IMMP2L: variants seen among roughly 807,000 people sequenced by gnomAD.
IMMP2L encodes the protein mitochondrial inner membrane protease subunit 2.
A neutral mutation model predicts 19.3 loss-of-function variants in IMMP2L; 18 were observed. The ratio of observed to expected loss-of-function variants is 0.93; its 90% CI spans 0.64 to 1.38. IMMP2L has a LOEUF of 1.38. Among genes scored for constraint, IMMP2L ranks in the 40% most tolerant of loss-of-function variants. IMMP2L has a pLI of 0.00. For missense variants in IMMP2L, 233 were observed against 218.2 expected (o/e 1.07, Z -0.43); for synonymous variants, 76 against 73.0 (o/e 1.04, Z -0.21).
At chr7:110,806,899 G>T (rs1250475274) in intron 5 of IMMP2L, among the ~76,000 whole-genome samples, 1 of 151,894 alleles carries the variant, frequency 6.6e-6, no homozygotes. Flanking sequence ...ATTTCCTTAG[G>T]ATGAAATAGC....
At chr7:110,699,318 A>G (rs1203068607) in intron 5 of IMMP2L, among the ~76,000 whole-genome samples, 1 of 152,200 alleles carries the variant, frequency 6.6e-6, no homozygotes, top group African/African-American at 2.4e-5. Context: ...AAGTCATATT[A>G]GGACAAAGAG....
At chr7:111,407,871 TA>T (rs1320199336) in intron 3 of IMMP2L, among the ~76,000 whole-genome samples, 1 of 152,008 alleles carries the variant, frequency 6.6e-6, no homozygotes, top group Non-Finnish European at 1.5e-5. Context: ...AATTGACTAA[TA>T]ATAATGGTGA....
At chr7:110,755,492 T>C (rs1797984620) in intron 5 of IMMP2L, among the ~76,000 whole-genome samples, 1 of 152,124 alleles carries the variant, frequency 6.6e-6, no homozygotes, top group Non-Finnish European at 1.5e-5. Flanking sequence ...GCATATTGTG[T>C]GATAGCCACA....
At chr7:111,336,772 A>T (rs913635713) in intron 3 of IMMP2L, among the ~76,000 whole-genome samples, 2 of 151,784 alleles carry the variant, frequency 1.3e-5, no homozygotes, top group Non-Finnish European at 2.9e-5. Context: ...CTGCTAAATT[A>T]ATTTTACCCA....
chr7:110,685,524 C>A (rs1793051748), intron 5 of IMMP2L, among the ~76,000 whole-genome samples: 1 of 152,174 alleles, frequency 6.6e-6, no homozygotes, highest in Non-Finnish European at 1.5e-5. Context: ...ATATCATATC[C>A]CATTATTAAC....
At chr7:111,281,156 C>CAGAAAGAAAGAA (rs1157660179) in intron 3 of IMMP2L, among the ~76,000 whole-genome samples, 2 of 67,812 alleles carry the variant, frequency 2.9e-5, no homozygotes, top group Admixed American at 3.7e-4. Flanking sequence ...GACAGAAAGA[C>CAGAAAGAAAGAA]AGAAAGAAAG....
At chr7:111,104,649 A>G (rs566408830) in intron 3 of IMMP2L, among the ~76,000 whole-genome samples, 1 of 151,948 alleles carries the variant, frequency 6.6e-6, no homozygotes, top group East Asian at 1.9e-4. Flanking sequence ...GCAAATGCTA[A>G]AGAAAAATTT....
At chr7:111,045,431 G>T (rs1043620415) in intron 3 of IMMP2L, among the ~76,000 whole-genome samples, 11 of 152,244 alleles carry the variant, frequency 7.2e-5, no homozygotes, top group Middle Eastern at 6.8e-3. Flanking sequence ...ATAGTAACCA[G>T]TAAGATCATT....
chr7:110,899,842 C>T (rs1490806377), intron 4 of IMMP2L, among the ~76,000 whole-genome samples: 1 of 152,134 alleles, frequency 6.6e-6, no homozygotes, highest in African/African-American at 2.4e-5. Flanking sequence ...CTATTTTGTG[C>T]CTTGTAGAAC....
At chr7:110,776,224 G>C (rs1799378211) in intron 5 of IMMP2L, among the ~76,000 whole-genome samples, 1 of 152,062 alleles carries the variant, frequency 6.6e-6, no homozygotes, top group South Asian at 2.1e-4. Context: ...ACACTACAGA[G>C]ATGGTTGTGT....
chr7:110,726,538 T>C (rs1254690749), intron 5 of IMMP2L, among the ~76,000 whole-genome samples: 1 of 152,196 alleles, frequency 6.6e-6, no homozygotes, highest in African/African-American at 2.4e-5. Flanking sequence ...AATTCTAAAA[T>C]GCTATACCTA....
At chr7:111,049,170 G>A (rs1349897038) in intron 3 of IMMP2L, among the ~76,000 whole-genome samples, 1 of 121,114 alleles carries the variant, frequency 8.3e-6, no homozygotes, top group African/African-American at 3.2e-5. Flanking sequence ...TCGCTCTGTC[G>A]CCCAGGCTGG....
chr7:111,342,106 T>C (rs886181872), intron 3 of IMMP2L, among the ~76,000 whole-genome samples: 6 of 152,120 alleles, frequency 3.9e-5, no homozygotes, highest in Non-Finnish European at 8.8e-5. Context: ...GTAACCAAAA[T>C]ATTTTAAAAG....
At chr7:110,686,093 A>G (rs910249152) in intron 5 of IMMP2L, among the ~76,000 whole-genome samples, 2 of 152,038 alleles carry the variant, frequency 1.3e-5, no homozygotes, top group Non-Finnish European at 2.9e-5. Context: ...TGTTTTCACT[A>G]TGTGACAGAA....
At chr7:110,937,776 A>G (rs1736837469) in intron 4 of IMMP2L, among the ~76,000 whole-genome samples, 1 of 152,140 alleles carries the variant, frequency 6.6e-6, no homozygotes, top group Non-Finnish European at 1.5e-5. Flanking sequence ...CTGGCAGAAG[A>G]GGCATGTTAT....
At chr7:111,060,546 C>G (rs1265599698) in intron 3 of IMMP2L, among the ~76,000 whole-genome samples, 1 of 152,146 alleles carries the variant, frequency 6.6e-6, no homozygotes, top group African/African-American at 2.4e-5. Context: ...AGGAGTAAAG[C>G]TGGTTGAGTT....
At chr7:111,051,693 A>G (rs1344188201) in intron 3 of IMMP2L, among the ~76,000 whole-genome samples, 1 of 152,230 alleles carries the variant, frequency 6.6e-6, no homozygotes, top group African/African-American at 2.4e-5. Context: ...GTGGCTATTC[A>G]TGGAAGGCAC....
Position 110,741,132 on chromosome 7 carries a change from C to T in IMMP2L, c.409-77411G>A, listed in dbSNP as rs544676832. Among the ~76,000 whole-genome samples, 4 of 152,098 alleles carry T rather than the reference C, an allele frequency of 2.6e-5. 1 individual carries two copies. Among genetic ancestry groups the T allele is most frequent in the African/African-American group, 9.6e-5 (4 of 41,514 alleles). ...TGGATAAAGAAAATGTTTATATATA[C>T]CATGGAATACTACTCAGCCTTAATA... On this transcript the variant is annotated intron_variant, in intron 5 of 5. Transcript: ENST00000405709.
intron 2 of IMMP2L, among the ~76,000 whole-genome samples, chr7:111,509,252 G>C (rs1845224156): frequency 6.6e-6 from 1 of 152,016 alleles, no homozygotes; most frequent in African/African-American, 2.4e-5. Flanking sequence ...CTGAAATGGG[G>C]CTCATTAATC....
Sources: allele counts gnomAD v4.1 joint callset (sites outside exome capture counted in the v4.1 genomes callset), GRCh38; gene constraint gnomAD v4.1.1; transcripts MANE v1.5; gene names NCBI Gene and HGNC (gene_info 2026-07-23, HGNC 2026-07-21).